KIRREL2: variants seen among roughly 807,000 people sequenced by gnomAD.
The protein encoded by KIRREL2 is kin of IRRE-like protein 2.
Under a neutral mutation model 73.4 loss-of-function variants are expected in KIRREL2, and 56 were observed. The observed-to-expected ratio is 0.76, with a 90% confidence interval of 0.62 to 0.95. The LOEUF is 0.95. KIRREL2 is among the 40% of genes least tolerant of loss of function. The pLI, the probability that KIRREL2 is intolerant of heterozygous loss-of-function variation, is 0.00. For missense variants in KIRREL2, 896 were observed against 935.0 expected (o/e 0.96, Z 0.54); for synonymous variants, 407 against 404.0 (o/e 1.01, Z -0.09).
intron 13 of KIRREL2, among the ~76,000 whole-genome samples, chr19:35,863,760 C>T (rs985373491): frequency 6.7e-6 from 1 of 148,460 alleles, no homozygotes; most frequent in African/African-American, 2.5e-5. Context: ...CCTGAGGGCT[C>T]AAGTCTTTTT....
intron 12 of KIRREL2, 23 bp downstream of exon 12, chr19:35,862,620 G>A (rs1320886255): frequency 6.4e-6 from 10 of 1,561,334 alleles, no homozygotes; most frequent in South Asian, 4.4e-5. Context: ...GCCCCGCCCC[G>A]GCTCCCGAGG....
upstream of KIRREL2, among the ~76,000 whole-genome samples, chr19:35,856,168 C>G (rs1231737236): frequency 2.6e-5 from 4 of 152,234 alleles, no homozygotes; most frequent in African/African-American, 9.6e-5. This position sits in a 1 kb window ranked among gnomAD's most constrained non-coding sequence, Gnocchi z 5.9. Context: ...CGTGGGAACG[C>G]CCCAGCTGGG....
chr19:35,855,167 C>T (rs1478353349), upstream of KIRREL2, among the ~76,000 whole-genome samples: 1 of 151,954 alleles, frequency 6.6e-6, no homozygotes, highest in Non-Finnish European at 1.5e-5. Flanking sequence ...TCCCCTCTCC[C>T]AACTGCTCTC....
In KIRREL2 at chr19:35,861,241, G is replaced by A. The variant is rs1182253881; in HGVS notation, c.1176G>A (p.Arg392=). 4 of 1,532,482 alleles carry A rather than the reference G, an allele frequency of 2.6e-6. No individual in the cohort carries two copies. Among genetic ancestry groups the A allele is most frequent in the Non-Finnish European group, 3.5e-6 (4 of 1,149,550 alleles). The allele number at this position is 1,532,482 out of a possible 1,614,324, so 94.9% of individuals were successfully genotyped here. The change falls in exon 9 of 15, where the codon CGG becomes CGA. Residue 392 remains arginine (R), a synonymous_variant. Transcript: ENST00000360202. ...TGCGGGGCGGCGCCGCGGAGGCTCG[G>A]CTGACTGTGAACGGTGAGAAGGCGG... ...SGLRGGAAEA[R]LTVNAPPVVT...
upstream of KIRREL2, among the ~76,000 whole-genome samples, chr19:35,856,240 C>G (rs1024740963): frequency 1.3e-5 from 2 of 152,340 alleles, no homozygotes; most frequent in Admixed American, 6.5e-5. This position sits in a 1 kb window ranked among gnomAD's most constrained non-coding sequence, Gnocchi z 5.9. Flanking sequence ...CCCGGCCCGG[C>G]ACCGCCGCCT....
In KIRREL2 at chr19:35,862,519, G is replaced by A. The variant is rs767204478; in HGVS notation, c.1537G>A (p.Ala513Thr). ...RDLLPTVRIV[A>T]GVAAATTTLL... ...CTTGCTGCCCACTGTGCGGATAGTG[G>A]CCGGAGTGGCCGCTGCCACCACAAC... is the stretch of plus-strand genomic sequence containing the variant. Residue 513 changes from alanine (A) to threonine (T), a missense_variant, in exon 12 of 15, where the codon GCC (alanine) becomes ACC (threonine). Transcript: ENST00000360202. 1.2e-6 allele frequency: 2 copies of A among 1,610,200 alleles called. No individual in the cohort carries two copies. The highest frequency in any genetic ancestry group is 1.1e-5 in the South Asian group (1 of 91,086).
chr19:35,861,232 G>T lies in KIRREL2; in HGVS notation c.1167G>T (p.Ala389=), dbSNP rs750790332. ...AGLSGLRGGA[A]EARLTVNAPP... ...TATCGGGCCTGCGGGGCGGCGCCGC[G>T]GAGGCTCGGCTGACTGTGAACGGTG... Residue 389 remains alanine, a synonymous_variant, in exon 9 of 15, where the codon GCG becomes GCT. Transcript: ENST00000360202. 3.3e-6 allele frequency: 5 copies of T among 1,534,554 alleles called. No individual in the cohort carries two copies.
At chr19:35,863,847 C>T (rs550635920) in intron 13 of KIRREL2, among the ~76,000 whole-genome samples, 34 of 151,970 alleles carry the variant, frequency 2.2e-4, no homozygotes, top group Non-Finnish European at 3.2e-4. Context: ...GAACTCGACT[C>T]ACTGCAAGCT....
upstream of KIRREL2, among the ~76,000 whole-genome samples, chr19:35,852,070 C>CT (rs918596654): frequency 1.3e-5 from 2 of 150,448 alleles, no homozygotes; most frequent in Non-Finnish European, 1.5e-5. Context: ...TTTAAAAAAA[C>CT]TTTTTTTTCT....
chr19:35,863,424 A>ATTTTTT (rs1410982721), intron 13 of KIRREL2, among the ~76,000 whole-genome samples: 4,401 of 120,152 alleles, frequency 0.037, 103 homozygotes, highest in African/African-American at 0.062. Flanking sequence ...CCCTGTCTCC[A>ATTTTTT]TTTTTTTTTT....
Position 35,859,451 on chromosome 19 carries a change from T to C in KIRREL2, c.523-30T>C, listed in dbSNP as rs772138580. The C allele has an allele frequency of 3.1e-6, 5 of 1,605,158 alleles. No individual in the cohort carries two copies. In the African/African-American group the frequency reaches 4.0e-5, roughly 13 times the overall value. ...AGATTGGACACCCCTGATGGGTAGA[T>C]GGCATTATTATTCTTATCCTTCCCT... is the stretch of plus-strand genomic sequence containing the variant. On this transcript the variant is annotated intron_variant, in intron 4 of 14. Coordinates refer to ENST00000360202, the MANE Select transcript of KIRREL2 (RefSeq NM_199180.4).
upstream of KIRREL2, among the ~76,000 whole-genome samples, chr19:35,854,099 C>A (rs985016800): frequency 6.6e-6 from 1 of 151,992 alleles, no homozygotes; most frequent in African/African-American, 2.4e-5. Flanking sequence ...CCTGCCTTGG[C>A]CCCCCAAAGT....
chr19:35,861,432 G>A, intron 9 of KIRREL2, 109 bp from the exon 10 acceptor site: 1 of 1,455,532 alleles, frequency 6.9e-7, no homozygotes, highest in Non-Finnish European at 9.4e-7. Context: ...AGGCGGCGTG[G>A]CCTGATTGAT....
intron 8 of KIRREL2, 30 bp from the exon 9 acceptor site, chr19:35,861,092 C>A: frequency 1.2e-6 from 2 of 1,606,264 alleles, no homozygotes; most frequent in Non-Finnish European, 1.7e-6. Context: ...CCTTACAAAT[C>A]CGGCTTCTGA....
At chr19:35,853,015 G>A (rs906214650), upstream of KIRREL2, among the ~76,000 whole-genome samples, 6 of 152,050 alleles carry the variant, frequency 3.9e-5, no homozygotes, top group East Asian at 7.7e-4. Flanking sequence ...CGCTGGTCTC[G>A]AACTCCTGAC....
chr19:35,865,700 T>C (rs753755138), intron 14 of KIRREL2, among the ~76,000 whole-genome samples: 1 of 152,222 alleles, frequency 6.6e-6, no homozygotes, highest in Non-Finnish European at 1.5e-5. Flanking sequence ...CCTATGCCTT[T>C]CCCAGGCACA....
chr19:35,852,299 T>A (rs1973290682), upstream of KIRREL2, among the ~76,000 whole-genome samples: 1 of 149,132 alleles, frequency 6.7e-6, no homozygotes, highest in African/African-American at 2.6e-5. Context: ...TCTTCCTCTC[T>A]CTCTGTCTCT....
chr19:35,856,498 A>G (rs447707), upstream of KIRREL2: 29,769 of 160,188 alleles, frequency 0.19, 5,662 homozygotes, highest in African/African-American at 0.49. The surrounding 1 kb of genome is among the most constrained non-coding windows in gnomAD (Gnocchi z 5.9). Flanking sequence ...TCTTCCCGAC[A>G]CGCAGGCCCG....
chr19:35,861,191 A>G lies in KIRREL2; in HGVS notation c.1126A>G (p.Arg376Gly). 6.4e-7 allele frequency: 1 copy of G among 1,567,712 alleles called. No homozygotes were observed. The highest frequency in any genetic ancestry group is 8.6e-7 in the Non-Finnish European group (1 of 1,161,916). The change falls in exon 9 of 15, where the codon AGA becomes GGA. Residue 376 changes from arginine to glycine, a missense_variant. By Grantham distance (125) the Arg-to-Gly change is moderately radical. Transcript: ENST00000360202. ...GPEDAGDYVC[R>G]AEAGLSGLRG... ...CGAGGACGCAGGCGACTATGTGTGC[A>G]GAGCTGAGGCTGGGCTATCGGGCCT...
Sources: gnomAD v4.1 joint callset for allele counts (sites outside exome capture counted in the v4.1 genomes callset) on GRCh38, gnomAD v4.1.1 for gene constraint, Gnocchi (gnomAD v3.1) non-coding constraint, MANE v1.5 for transcripts, NCBI Gene and HGNC (gene_info 2026-07-23, HGNC 2026-07-21) for gene names.